CNTLN: variants seen among roughly 807,000 people sequenced by gnomAD.
CNTLN encodes centlein, also known as centlein, centrosomal protein.
Under a neutral mutation model 180.0 loss-of-function variants are expected in CNTLN, and 212 were observed. The observed-to-expected ratio is 1.18, with a 90% CI of 1.05 to 1.32. The LOEUF (loss-of-function observed/expected upper bound fraction) is 1.32, where lower values mean the gene tolerates loss of function less well. Ranked by LOEUF, CNTLN falls within the 40% of genes most tolerant of loss-of-function variation. The pLI is 0.00. For synonymous variants in CNTLN, 722 were observed against 563.1 expected (o/e 1.28, Z -3.99); for missense variants, 2,095 against 1,610.9 (o/e 1.30, Z -5.14).
Position 17,436,192 on chromosome 9 carries a change from A to G in CNTLN, c.3114+20003A>G, listed in dbSNP as rs1048436854. 2.0e-5 allele frequency among the ~76,000 whole-genome samples: 3 copies of G among 152,182 alleles called. No individual in the cohort carries two copies. The East Asian group carries it at 5.8e-4, about 29-fold the overall frequency. On this transcript the variant is annotated intron_variant, in intron 18 of 25. Transcript: ENST00000380647. ...TATTTTCTCAATATTCATAGAAAAC[A>G]TTATATACTATTGTTTAGTTTATGA... is the stretch of plus-strand genomic sequence containing the variant.
At chr9:17,487,091 A>G (rs2134331881) in intron 25 of CNTLN, 25 bp downstream of exon 25, 2 of 1,463,014 alleles carry the variant, frequency 1.4e-6, no homozygotes, top group African/African-American at 1.4e-5. Context: ...TGTTTCATAT[A>G]TTAAGCTTCC....
chr9:17,153,490 C>G (rs1276738325), intron 2 of CNTLN, among the ~76,000 whole-genome samples: 1 of 152,232 alleles, frequency 6.6e-6, no homozygotes. Flanking sequence ...GGCCTTAACT[C>G]TCTTCTGGCT....
chr9:17,395,550 T>C (rs1826452585), intron 15 of CNTLN, among the ~76,000 whole-genome samples: 1 of 152,234 alleles, frequency 6.6e-6, no homozygotes, highest in African/African-American at 2.4e-5. Context: ...ACCAGATGTC[T>C]ACAAGCTGTT....
chr9:17,258,531 T>A (rs1357190316), intron 5 of CNTLN, among the ~76,000 whole-genome samples: 1 of 151,090 alleles, frequency 6.6e-6, no homozygotes, highest in Admixed American at 6.6e-5. Context: ...ATTGGTAGAT[T>A]TATGGGGATG....
intron 2 of CNTLN, among the ~76,000 whole-genome samples, chr9:17,158,997 C>T (rs1819491482): frequency 6.6e-6 from 1 of 152,048 alleles, no homozygotes; most frequent in South Asian, 2.1e-4. Context: ...TCCATCTTAG[C>T]ACTGCTTTAG....
chr9:17,346,422 G>A (rs984766689), intron 12 of CNTLN, among the ~76,000 whole-genome samples: 8 of 152,134 alleles, frequency 5.3e-5, no homozygotes, highest in Admixed American at 2.6e-4. Context: ...TGGGGATTAT[G>A]GGAATTACAA....
At chr9:17,483,992 G>T (rs1168245335) in intron 23 of CNTLN, among the ~76,000 whole-genome samples, 2 of 152,258 alleles carry the variant, frequency 1.3e-5, no homozygotes, top group South Asian at 2.1e-4. Flanking sequence ...AGAAGTTGTT[G>T]TGCTGATTAA....
chr9:17,156,081 A>G (rs10123876), intron 2 of CNTLN, among the ~76,000 whole-genome samples: 1,852 of 152,282 alleles, frequency 0.012, 35 homozygotes, highest in African/African-American at 0.039. Context: ...GCGAGTCCCA[A>G]TGAGATGAAC....
intron 18 of CNTLN, among the ~76,000 whole-genome samples, chr9:17,419,566 A>C (rs991368954): frequency 5.3e-5 from 8 of 152,154 alleles, no homozygotes; most frequent in African/African-American, 1.9e-4. Flanking sequence ...AAAAGTAGGA[A>C]AATAATGATA....
At chr9:17,442,811 A>G (rs944285695) in intron 18 of CNTLN, among the ~76,000 whole-genome samples, 6 of 152,194 alleles carry the variant, frequency 3.9e-5, no homozygotes, top group Non-Finnish European at 7.3e-5. Flanking sequence ...ATGGGCTGCA[A>G]GCATAAGCAG....
At chr9:17,201,975 G>A (rs1241607227) in intron 2 of CNTLN, among the ~76,000 whole-genome samples, 1 of 152,112 alleles carries the variant, frequency 6.6e-6, no homozygotes, top group African/African-American at 2.4e-5. Context: ...GGCATTTAGT[G>A]CTATAAATTT....
chr9:17,326,511 A>G (rs1563996593), intron 8 of CNTLN, among the ~76,000 whole-genome samples: 2 of 152,094 alleles, frequency 1.3e-5, no homozygotes, highest in East Asian at 3.8e-4. Flanking sequence ...TATATCATAT[A>G]TTTTATTACT....
At chr9:17,382,164 C>G (rs1490824898) in intron 13 of CNTLN, among the ~76,000 whole-genome samples, 2 of 151,958 alleles carry the variant, frequency 1.3e-5, no homozygotes, top group Non-Finnish European at 2.9e-5. Flanking sequence ...ATAGTCTGAC[C>G]CAATCCAGAA....
chr9:17,495,486 A>G lies in CNTLN; in HGVS notation c.4120-7065A>G, dbSNP rs574084328. Among the ~76,000 whole-genome samples, 26 of 152,312 alleles carry G rather than the reference A, an allele frequency of 1.7e-4. No homozygotes were observed. In the East Asian group the frequency reaches 4.6e-3, roughly 27 times the overall value. ...AAAATAAAAAAATACAAAATTATTT[A>G]TATCCTTACAGAATAAGGATATAAA... On this transcript the variant is annotated intron_variant, in intron 25 of 25. Coordinates refer to ENST00000380647, the MANE Select transcript of CNTLN (RefSeq NM_017738.4).
intron 2 of CNTLN, among the ~76,000 whole-genome samples, chr9:17,165,522 G>C (rs1218716891): frequency 1.3e-5 from 2 of 152,184 alleles, no homozygotes; most frequent in Admixed American, 6.5e-5. Context: ...TCAGTAATCT[G>C]TGATGGTTGG....
intron 16 of CNTLN, among the ~76,000 whole-genome samples, chr9:17,415,407 C>G (rs1828148408): frequency 6.6e-6 from 1 of 152,036 alleles, no homozygotes; most frequent in Non-Finnish European, 1.5e-5. Flanking sequence ...ATATTTACTC[C>G]TAAGTTTTTA....
chr9:17,156,121 A>G (rs1469509305), intron 2 of CNTLN, among the ~76,000 whole-genome samples: 1 of 151,784 alleles, frequency 6.6e-6, no homozygotes, highest in Non-Finnish European at 1.5e-5. Context: ...TGCAGAAATC[A>G]CTCACCTTCT....
intron 3 of CNTLN, among the ~76,000 whole-genome samples, chr9:17,228,907 A>T (rs760978336): frequency 6.6e-6 from 1 of 152,066 alleles, no homozygotes; most frequent in Non-Finnish European, 1.5e-5. Context: ...TTTGAAGGTA[A>T]GGTTTTGAGC....
intron 2 of CNTLN, among the ~76,000 whole-genome samples, chr9:17,213,129 T>G (rs939734934): frequency 1.3e-5 from 2 of 152,216 alleles, no homozygotes; most frequent in Non-Finnish European, 2.9e-5. Flanking sequence ...GCTTCTCTAG[T>G]TCTTTTAATT....
Sources: gnomAD v4.1 joint callset for allele counts (sites outside exome capture counted in the v4.1 genomes callset) on GRCh38, gnomAD v4.1.1 for gene constraint, MANE v1.5 for transcripts, NCBI Gene and HGNC (gene_info 2026-07-23, HGNC 2026-07-21) for gene names.